The following SH3BGRL2 variants were observed in gnomAD, a reference collection of about 807,000 sequenced individuals.
SH3BGRL2 encodes SH3 domain-binding glutamic acid-rich-like protein 2.
In SH3BGRL2, 21 loss-of-function variants were observed where a neutral mutation model predicts 14.8. That is an observed-to-expected ratio of 1.42 (90% confidence interval 1.01 to 2.05). SH3BGRL2 has a LOEUF of 2.05. Ranked by LOEUF, SH3BGRL2 falls within the 30% of genes most tolerant of loss-of-function variation. SH3BGRL2 has a pLI of 0.00. For missense variants in SH3BGRL2, 147 were observed against 130.8 expected, an observed-to-expected ratio of 1.12 and a Z score of -0.61; for synonymous variants, 50 against 47.8, an observed-to-expected ratio of 1.05 and a Z score of -0.19.
the SH3BGRL2 span, among the ~76,000 whole-genome samples, chr6:79,626,138 C>T: frequency 3.3e-5 from 5 of 152,126 alleles, no homozygotes; most frequent in Admixed American, 6.5e-5. Flanking sequence ...AAAATCTGGG[C>T]CAGGTGTGCT....
Position 79,700,357 on chromosome 6 carries a change from T to C in SH3BGRL2, c.*848T>C, listed in dbSNP as rs1303500757. The C allele has an allele frequency of 1.3e-5, 2 of 152,162 alleles. No individual in the cohort carries two copies. Among genetic ancestry groups the C allele is most frequent in the Non-Finnish European group, 2.9e-5 (2 of 68,040 alleles). 9.4% of individuals were successfully genotyped at this position (152,162 alleles called of 1,614,324 possible). ...AGCAATTTATTTATAATATATAAGT[T>C]CATATATTTTTTAATCCAGCTCCCC... On this transcript the variant is annotated 3_prime_UTR_variant, in exon 4 of 4. Coordinates refer to ENST00000369838, the MANE Select transcript of SH3BGRL2 (RefSeq NM_031469.4).
At chr6:79,605,124 G>GT in the SH3BGRL2 span, among the ~76,000 whole-genome samples, 45 of 152,212 alleles carry the variant, frequency 3.0e-4, no homozygotes, top group Admixed American at 2.9e-3. Flanking sequence ...AGTTTTTAAA[G>GT]TTCTGTTTTC....
the SH3BGRL2 span, among the ~76,000 whole-genome samples, chr6:79,543,445 C>T: frequency 6.6e-6 from 1 of 152,124 alleles, no homozygotes; most frequent in Non-Finnish European, 1.5e-5. Context: ...CCCAGGTAGC[C>T]AGCTTCCAAA....
intron 1 of SH3BGRL2, 35 bp from the exon 2 acceptor site, chr6:79,673,579 G>A: frequency 1.9e-6 from 3 of 1,593,722 alleles, no homozygotes; most frequent in Non-Finnish European, 2.6e-6. Flanking sequence ...TTTCAGATAA[G>A]CGTATCTACT....
chr6:79,591,627 C>T, the SH3BGRL2 span, among the ~76,000 whole-genome samples: 1 of 152,128 alleles, frequency 6.6e-6, no homozygotes, highest in African/African-American at 2.4e-5. Flanking sequence ...AGGATGGTCT[C>T]GATCTCCTGA....
intron 2 of SH3BGRL2, among the ~76,000 whole-genome samples, chr6:79,683,511 T>C (rs1464885213): frequency 6.6e-6 from 1 of 151,948 alleles, no homozygotes; most frequent in Non-Finnish European, 1.5e-5. Flanking sequence ...CAGGCTGCAG[T>C]GTAGTGGCAC....
chr6:79,598,715 TA>T, the SH3BGRL2 span, among the ~76,000 whole-genome samples: 14 of 152,160 alleles, frequency 9.2e-5, no homozygotes, highest in Admixed American at 3.3e-4. Flanking sequence ...CATTGAACTG[TA>T]TACTTTAAAT....
the SH3BGRL2 span, among the ~76,000 whole-genome samples, chr6:79,564,721 A>G: frequency 6.6e-6 from 1 of 152,170 alleles, no homozygotes; most frequent in Admixed American, 6.5e-5. Context: ...TCTTTTTAAC[A>G]TTCAAGATGG....
the SH3BGRL2 span, among the ~76,000 whole-genome samples, chr6:79,597,042 C>T: frequency 1.3e-5 from 2 of 152,066 alleles, no homozygotes; most frequent in African/African-American, 4.8e-5. Context: ...TCAGCCTGGC[C>T]AACATGGCAA....
At chr6:79,698,981 A>C (rs566101912) in intron 3 of SH3BGRL2, among the ~76,000 whole-genome samples, 197 of 152,012 alleles carry the variant, frequency 1.3e-3, no homozygotes, top group African/African-American at 4.3e-3. Context: ...ACCGGTCAAC[A>C]CTGGGTGCTG....
At chr6:79,658,237 G>C in intron 1 of SH3BGRL2, among the ~76,000 whole-genome samples, 1 of 152,100 alleles carries the variant, frequency 6.6e-6, no homozygotes. Flanking sequence ...ATGGTGGTTT[G>C]CTGCACCCAT....
the SH3BGRL2 span, among the ~76,000 whole-genome samples, chr6:79,590,432 T>TG: frequency 7.6e-5 from 6 of 79,140 alleles, no homozygotes; most frequent in Non-Finnish European, 1.7e-4. Flanking sequence ...GTGATATATA[T>TG]ATATATATAT....
upstream of SH3BGRL2, among the ~76,000 whole-genome samples, chr6:79,629,283 C>T (rs1189715349): frequency 6.6e-6 from 1 of 152,198 alleles, no homozygotes; most frequent in African/African-American, 2.4e-5. Flanking sequence ...AAGCTCTGAG[C>T]TTCCATGTCA....
chr6:79,564,176 A>T, the SH3BGRL2 span, among the ~76,000 whole-genome samples: 2 of 149,714 alleles, frequency 1.3e-5, no homozygotes, highest in Non-Finnish European at 3.0e-5. Flanking sequence ...ATATCTAACG[A>T]CTTGTGTATC....
chr6:79,605,678 T>A, the SH3BGRL2 span, among the ~76,000 whole-genome samples: 19 of 152,364 alleles, frequency 1.2e-4, no homozygotes, highest in South Asian at 3.9e-3. Context: ...ATTTTTATTA[T>A]CAATTGACTG....
At chr6:79,671,726 G>GC (rs1055173334) in intron 1 of SH3BGRL2, among the ~76,000 whole-genome samples, 2 of 152,152 alleles carry the variant, frequency 1.3e-5, no homozygotes, top group African/African-American at 4.8e-5. Flanking sequence ...TGTTACCTGG[G>GC]CCCCGCCCAG....
chr6:79,573,613 G>C, the SH3BGRL2 span, among the ~76,000 whole-genome samples: 1 of 152,060 alleles, frequency 6.6e-6, no homozygotes, highest in Admixed American at 6.5e-5. Flanking sequence ...CCGAGTATTT[G>C]TATCCACATA....
At chr6:79,598,543 A>G in the SH3BGRL2 span, among the ~76,000 whole-genome samples, 4 of 152,282 alleles carry the variant, frequency 2.6e-5, no homozygotes, top group South Asian at 8.3e-4. Flanking sequence ...GCTATAGGAA[A>G]TGTCCACAGT....
rs1008709157 is a variant in SH3BGRL2 at position 79,676,999 on chromosome 6, C to T, written c.231+3200C>T. On this transcript the variant is annotated intron_variant, in intron 2 of 3. Coordinates refer to ENST00000369838, the MANE Select transcript of SH3BGRL2 (RefSeq NM_031469.4). ...GGTGTTAGTCCTGTGGTGGTGGTCA[C>T]GACAGCTATTGGCGTATGCACTGTA... Among the ~76,000 whole-genome samples, 5 of 152,194 alleles carry T rather than the reference C, an allele frequency of 3.3e-5. No individual in the cohort carries two copies. In the East Asian group the frequency reaches 9.7e-4, roughly 29 times the overall value.
Sources: allele counts gnomAD v4.1 joint callset (sites outside exome capture counted in the v4.1 genomes callset), GRCh38; gene constraint gnomAD v4.1.1; transcripts MANE v1.5; gene names NCBI Gene and HGNC (gene_info 2026-07-23, HGNC 2026-07-21).